Variants in ODC1 observed in about 807,000 individuals in gnomAD.
ODC1 encodes ornithine decarboxylase 1, also known as ornithine decarboxylase.
ODC1 carries 18 observed loss-of-function variants against 41.5 expected under a neutral mutation model. The observed-to-expected ratio is 0.43, with a 90% confidence interval of 0.30 to 0.64. ODC1 has a LOEUF of 0.64. Among genes scored for constraint, ODC1 ranks in the 30% least tolerant of loss-of-function variants. ODC1 has a pLI of 0.11. For synonymous variants in ODC1, 218 were observed against 211.6 expected (o/e 1.03, Z -0.26); for missense variants, 504 against 589.0 (o/e 0.86, Z 1.49).
rs551558687 is a variant in ODC1, at chr2:10,440,601, G to A, written c.*123C>T. Reference sequence around the variant, plus strand: ...GACCCATATCCTAGTCTTCCATATGGCTGCATCATGGCGACCCTACTCTTA... The same window carrying A: ...GACCCATATCCTAGTCTTCCATATGACTGCATCATGGCGACCCTACTCTTA... On this transcript the variant is annotated 3_prime_UTR_variant, in exon 12 of 12. Coordinates refer to ENST00000234111, the MANE Select transcript of ODC1 (RefSeq NM_002539.3). 3.2e-5 allele frequency: 29 copies of A among 903,036 alleles called. No homozygotes were observed. The highest frequency in any genetic ancestry group is 5.1e-5 in the East Asian group (2 of 39,240). The allele number at this position is 903,036 out of a possible 1,614,324, so 55.9% of individuals were successfully genotyped here.
intron 1 of ODC1, among the ~76,000 whole-genome samples, chr2:10,447,094 G>A (rs1448330427): frequency 1.3e-5 from 2 of 152,146 alleles, no homozygotes; most frequent in Non-Finnish European, 2.9e-5. Context: ...CAATGTTCAG[G>A]CCTAAACTTG....
chr2:10,441,799 A>G lies in ODC1; in HGVS notation c.1026+18T>C. ...ACCAGTCCTCTTAATTGTTTTATACAGTATGCTCAGAAATTACCTTTTGCA... is the reference window on the plus strand; with the variant it reads ...ACCAGTCCTCTTAATTGTTTTATACGGTATGCTCAGAAATTACCTTTTGCA... On this transcript the variant is annotated intron_variant, in intron 10 of 11. Transcript: ENST00000234111. The G allele has an allele frequency of 6.2e-7, 1 of 1,613,056 alleles. No homozygotes were observed. Among genetic ancestry groups the G allele is most frequent in the South Asian group, 1.1e-5 (1 of 91,046 alleles).
rs1335044541 is a variant in ODC1, at chr2:10,443,791, A to T, written c.495T>A (p.Arg165=). ...GCGTGGCACCGAATTTCACACTGAGACGACAGACTGCTTTGGAATCATCAG... is the reference window on the plus strand; with the variant it reads ...GCGTGGCACCGAATTTCACACTGAGTCGACAGACTGCTTTGGAATCATCAG... ...IATDDSKAVC[R]LSVKFGATLR... is the part of the protein sequence containing the mutation. The change falls in exon 6 of 12, where the codon CGT becomes CGA. Residue 165 remains arginine, a synonymous_variant. Coordinates refer to ENST00000234111, the MANE Select transcript of ODC1 (RefSeq NM_002539.3). 2 of 1,614,198 alleles carry T rather than the reference A, an allele frequency of 1.2e-6. No homozygotes were observed. The highest frequency in any genetic ancestry group is 1.6e-4 in the Middle Eastern group (1 of 6,062).
At position 10,440,560 on chromosome 2, in the gene ODC1, G is replaced by C; in HGVS notation, c.*164C>G. ...ACAAATATTCAAATAGTTTCCATAG[G>C]AACACAGATAAGTGTGACCCATATC... is the stretch of plus-strand genomic sequence containing the variant. On this transcript the variant is annotated 3_prime_UTR_variant, in exon 12 of 12. Coordinates refer to ENST00000234111, the MANE Select transcript of ODC1 (RefSeq NM_002539.3). 1.7e-6 allele frequency: 1 copy of C among 601,318 alleles called. No individual in the cohort carries two copies. The highest frequency in any genetic ancestry group is 2.8e-6 in the Non-Finnish European group (1 of 355,178). The allele number at this position is 601,318 out of a possible 1,614,324, so 37.2% of individuals were successfully genotyped here.
chr2:10,443,221 C>T lies in ODC1; in HGVS notation c.750+9G>A, dbSNP rs767987899. ...GGCTACTGAGTATTACAGTTTTGTT[C>T]TAAATTACCTCTTCAAATTTAAGTT... On this transcript the variant is annotated intron_variant, in intron 8 of 11. Transcript: ENST00000234111. The T allele has an allele frequency of 5.0e-6, 8 of 1,600,276 alleles. No homozygotes were observed. The highest frequency in any genetic ancestry group is 6.8e-6 in the Non-Finnish European group (8 of 1,173,840).
chr2:10,444,521 C>T lies in ODC1; in HGVS notation c.229G>A (p.Val77Met), dbSNP rs895635945. 9.3e-6 allele frequency: 15 copies of T among 1,613,754 alleles called. No individual in the cohort carries two copies. Among genetic ancestry groups the T allele is most frequent in the Admixed American group, 6.7e-5 (4 of 59,990 alleles). Reference sequence around the variant, plus strand: ...GTCCCGGTAGCAGCAAGGGTCTTCACGATGGCTTTGCTATCATTACATTTG... The same window carrying T: ...GTCCCGGTAGCAGCAAGGGTCTTCATGATGGCTTTGCTATCATTACATTTG... ...AVKCNDSKAIVKTLAATGTGF... is the reference protein window; with the variant it reads ...AVKCNDSKAIMKTLAATGTGF... Residue 77 changes from valine to methionine, a missense_variant, in exon 4 of 12, where the codon GTG becomes ATG. Around this residue, in one of 3 missense-constraint regions of ODC1, gnomAD observed 447 missense variants for 524.4 expected, o/e 0.85. Coordinates refer to ENST00000234111, the MANE Select transcript of ODC1 (RefSeq NM_002539.3).
chr2:10,444,963 G>C lies in ODC1; in HGVS notation c.70C>G (p.Leu24Val). The change falls in exon 3 of 12, where the codon CTG becomes GTG. Residue 24 changes from leucine to valine, a missense_variant. This residue lies in a region of ODC1 where 53 missense variants were observed against 46.3 expected (regional missense o/e 1.14). Coordinates refer to ENST00000234111, the MANE Select transcript of ODC1 (RefSeq NM_002539.3). ...GAAACTTCATTAATTTTCTGGTCCA[G>C]AATGTCCTTGGCAGTAAAACCTTCA... is the stretch of plus-strand genomic sequence containing the variant. ...LDEGFTAKDI[L>V]DQKINEVSSS... 1 of 1,613,470 alleles carries C rather than the reference G, an allele frequency of 6.2e-7. No homozygotes were observed. Among genetic ancestry groups the C allele is most frequent in the East Asian group, 2.2e-5 (1 of 44,886 alleles).
chr2:10,446,664 ATTTAT>A (rs1672024294), intron 1 of ODC1: 1 of 330,774 alleles, frequency 3.0e-6, no homozygotes, highest in South Asian at 2.3e-5. Flanking sequence ...TCTTAAAATT[ATTTAT>A]TTTAACCTTT....
At chr2:10,447,239 T>C (rs550397840) in intron 1 of ODC1, among the ~76,000 whole-genome samples, 12 of 152,334 alleles carry the variant, frequency 7.9e-5, no homozygotes, top group Non-Finnish European at 1.6e-4. Context: ...GCTAAGTTAT[T>C]TAAAATGGTC....
At chr2:10,441,070 C>T (rs1333410306) in intron 11 of ODC1, among the ~76,000 whole-genome samples, 5 of 152,094 alleles carry the variant, frequency 3.3e-5, no homozygotes, top group Non-Finnish European at 5.9e-5. Flanking sequence ...AAACCTCTCA[C>T]CTTAGCCAAG....
Position 10,444,092 on chromosome 2 carries a change from C to T in ODC1, c.449+3G>A. The T allele has an allele frequency of 6.3e-7, 1 of 1,582,008 alleles. No individual in the cohort carries two copies. Reference sequence around the variant, plus strand: ...CTTGCCCTCAGATGGGGGAATAACTCACTTTGCTTTGGGATGTGCTCTGGC... The same window carrying T: ...CTTGCCCTCAGATGGGGGAATAACTTACTTTGCTTTGGGATGTGCTCTGGC... On this transcript the variant is annotated splice_donor_region_variant and intron_variant, in intron 5 of 11. Coordinates refer to ENST00000234111, the MANE Select transcript of ODC1 (RefSeq NM_002539.3).
chr2:10,441,742 A>C lies in ODC1; in HGVS notation c.1027-19T>G. 6.2e-7 allele frequency: 1 copy of C among 1,613,442 alleles called. No homozygotes were observed. Among genetic ancestry groups the C allele is most frequent in the Non-Finnish European group, 8.5e-7 (1 of 1,179,350 alleles). On this transcript the variant is annotated intron_variant, in intron 10 of 11. Transcript: ENST00000234111. ...TAGGTCTCTATATAAAGAGACGGAG[A>C]GAGGAAGTACTACTTAATTACACGT...
In ODC1 at chr2:10,440,561, AAC is replaced by A; in HGVS notation, c.*161_*162del. The A allele has an allele frequency of 1.6e-6, 1 of 608,854 alleles. No individual in the cohort carries two copies. The highest frequency in any genetic ancestry group is 2.3e-5 in the South Asian group (1 of 44,098). The allele number at this position is 608,854 out of a possible 1,614,324, so 37.7% of individuals were successfully genotyped here. ...CAAATATTCAAATAGTTTCCATAGG[AAC>A]ACAGATAAGTGTGACCCATATCCTA... On this transcript the variant is annotated 3_prime_UTR_variant, in exon 12 of 12. Coordinates refer to ENST00000234111, the MANE Select transcript of ODC1 (RefSeq NM_002539.3).
chr2:10,444,054 T>C (rs749655009), intron 5 of ODC1, 41 bp downstream of exon 5: 2 of 1,538,900 alleles, frequency 1.3e-6, no homozygotes, highest in South Asian at 1.3e-5. Flanking sequence ...TCCACATATC[T>C]TATGCTCCCG....
At chr2:10,446,132 ATTTT>A (rs924969719) in intron 1 of ODC1, among the ~76,000 whole-genome samples, 5 of 134,574 alleles carry the variant, frequency 3.7e-5, no homozygotes, top group East Asian at 4.3e-4. Context: ...AGAATTCAGT[ATTTT>A]TTTTTTTTTT....
At chr2:10,444,299 T>C (rs774034352) in intron 4 of ODC1, 32 bp from the exon 5 acceptor site, 4 of 1,550,628 alleles carry the variant, frequency 2.6e-6, no homozygotes, top group Non-Finnish European at 3.5e-6. Context: ...ATGCTATCCA[T>C]ATGTGGCTTA....
chr2:10,446,705 C>T (rs1672025508), intron 1 of ODC1: 5 of 437,790 alleles, frequency 1.1e-5, no homozygotes, highest in Non-Finnish European at 2.2e-5. Context: ...GTAGAGCTTT[C>T]TTCTTTTCCA....
rs770727071 is a variant in ODC1, at chr2:10,443,566, T to A, written c.590A>T (p.His197Leu). Residue 197 changes from histidine (H) to leucine (L), a missense_variant, in exon 7 of 12, where the codon CAT becomes CTT. Physicochemically the swap from His to Leu is moderately conservative, Grantham distance 99 (BLOSUM62 -3). This residue lies in a region of ODC1 where 447 missense variants were observed against 524.4 expected (regional missense o/e 0.85). Coordinates refer to ENST00000234111, the MANE Select transcript of ODC1 (RefSeq NM_002539.3). ...LNIDVVGVSF[H>L]VGSGCTDPET... ...AGGATCGGTACAGCCGCTTCCTACA[T>A]GGAAGCTGGGGTAAAATAAAGAGAC... is the stretch of plus-strand genomic sequence containing the variant. 1 of 1,612,846 alleles carries A rather than the reference T, an allele frequency of 6.2e-7. No individual in the cohort carries two copies. Among genetic ancestry groups the A allele is most frequent in the Non-Finnish European group, 8.5e-7 (1 of 1,179,258 alleles).
chr2:10,443,051 C>A (rs778912209), intron 8 of ODC1, among the ~76,000 whole-genome samples, 179 bp downstream of exon 8: 10 of 152,152 alleles, frequency 6.6e-5, no homozygotes, highest in Non-Finnish European at 8.8e-5. Context: ...CTGATTCACA[C>A]TTTAGAAAAC....
Sources: gnomAD v4.1 joint callset for allele counts (sites outside exome capture counted in the v4.1 genomes callset) on GRCh38, gnomAD v4.1.1 for gene constraint, gnomAD v4.1.1 regional missense constraint, MANE v1.5 for transcripts, NCBI Gene and HGNC (gene_info 2026-07-23, HGNC 2026-07-21) for gene names.